Variants in MYO3B observed in about 807,000 individuals in gnomAD.
The protein encoded by MYO3B is myosin-IIIb.
A neutral mutation model predicts 174.6 loss-of-function variants in MYO3B; 156 were observed. The observed-to-expected ratio is 0.89, with a 90% CI of 0.78 to 1.02. MYO3B has a LOEUF of 1.02. Among genes scored for constraint, MYO3B ranks in the 50% least tolerant of loss-of-function variants. The probability of loss-of-function intolerance (pLI) is 0.00; values close to 1 mark genes in which losing one functional copy is unlikely to be tolerated. For synonymous variants in MYO3B, 563 were observed against 569.1 expected (o/e 0.99, Z 0.15); for missense variants, 1,632 against 1,639.4 (o/e 1.00, Z 0.08).
At chr2:170,566,794 G>A (rs550849006) in intron 32 of MYO3B, among the ~76,000 whole-genome samples, 7 of 152,222 alleles carry the variant, frequency 4.6e-5, no homozygotes, top group Admixed American at 1.3e-4. Flanking sequence ...GAGTTCAAAC[G>A]GTTCTGATTA....
Position 170,404,392 on chromosome 2 carries a change from C to T in MYO3B, c.2423C>T (p.Thr808Ile), listed in dbSNP as rs894834652. The T allele has an allele frequency of 1.2e-6, 2 of 1,608,650 alleles. No individual in the cohort carries two copies. The highest frequency in any genetic ancestry group is 1.7e-6 in the Non-Finnish European group (2 of 1,178,342). ...ESRFPQATDQ[T>I]LVDKFEDNLR... ...CGGTTTCCCCAAGCAACTGACCAGACCCTGGTTGGTAGGTAACTTCTGAGA... is the reference window on the plus strand; with the variant it reads ...CGGTTTCCCCAAGCAACTGACCAGATCCTGGTTGGTAGGTAACTTCTGAGA... The change falls in exon 20 of 35, where the codon ACC (threonine) becomes ATC (isoleucine). Residue 808 changes from threonine to isoleucine, a missense_variant. Transcript: ENST00000408978.
intron 7 of MYO3B, among the ~76,000 whole-genome samples, chr2:170,299,985 G>A (rs905963759): frequency 2.6e-5 from 4 of 152,224 alleles, no homozygotes; most frequent in Non-Finnish European, 4.4e-5. Context: ...ATTCTCGATG[G>A]TGTGCCACTT....
At chr2:170,298,695 A>AG (rs1271310410) in intron 7 of MYO3B, among the ~76,000 whole-genome samples, 5 of 151,568 alleles carry the variant, frequency 3.3e-5, no homozygotes, top group African/African-American at 1.2e-4. Flanking sequence ...AAAAAAAAAA[A>AG]AAGAATTTCA....
At chr2:170,510,226 A>G (rs1424358297) in intron 28 of MYO3B, among the ~76,000 whole-genome samples, 1 of 152,200 alleles carries the variant, frequency 6.6e-6, no homozygotes, top group African/African-American at 2.4e-5. Flanking sequence ...CTTTCCTCTG[A>G]TGGATTAGAA....
At chr2:170,232,292 G>A (rs1404578880) in intron 6 of MYO3B, among the ~76,000 whole-genome samples, 2 of 152,166 alleles carry the variant, frequency 1.3e-5, no homozygotes, top group Admixed American at 1.3e-4. Context: ...TCAGACTTTG[G>A]TATTGGATTG....
intron 32 of MYO3B, among the ~76,000 whole-genome samples, chr2:170,547,262 G>A (rs113341625): frequency 0.15 from 23,217 of 151,348 alleles, 2,066 homozygotes; most frequent in Middle Eastern, 0.23. Context: ...CCTGGGAGGC[G>A]GAGCTTGCAG....
intron 23 of MYO3B, among the ~76,000 whole-genome samples, chr2:170,460,043 G>A (rs1262981074): frequency 2.0e-5 from 3 of 152,014 alleles, no homozygotes; most frequent in African/African-American, 4.8e-5. Flanking sequence ...AGCCAGCTCC[G>A]CCCTCGGCCA....
intron 22 of MYO3B, among the ~76,000 whole-genome samples, chr2:170,434,130 T>A (rs537958310): frequency 6.6e-6 from 1 of 152,206 alleles, no homozygotes; most frequent in East Asian, 1.9e-4. Context: ...ATCCTTCTTA[T>A]AAATTTAGGA....
At chr2:170,516,060 C>T (rs1688286567) in intron 29 of MYO3B, among the ~76,000 whole-genome samples, 1 of 152,046 alleles carries the variant, frequency 6.6e-6, no homozygotes, top group Admixed American at 6.5e-5. Context: ...ATAGGAGATC[C>T]TCCAGTATAG....
At chr2:170,646,108 C>T (rs1433976591) in intron 32 of MYO3B, among the ~76,000 whole-genome samples, 1 of 151,836 alleles carries the variant, frequency 6.6e-6, no homozygotes, top group Non-Finnish European at 1.5e-5. Flanking sequence ...CCCATCTCTA[C>T]TAAAAATACA....
chr2:170,243,880 T>G (rs138559942), intron 7 of MYO3B, among the ~76,000 whole-genome samples: 22 of 152,334 alleles, frequency 1.4e-4, no homozygotes, highest in Middle Eastern at 3.4e-3. Flanking sequence ...TGCATCTATG[T>G]GAAGGACTCT....
intron 7 of MYO3B, among the ~76,000 whole-genome samples, chr2:170,289,255 T>C (rs1201755911): frequency 6.6e-6 from 1 of 152,078 alleles, no homozygotes; most frequent in Non-Finnish European, 1.5e-5. Flanking sequence ...TTGTCTTCAA[T>C]TTTTTTGAAG....
chr2:170,416,348 C>A (rs914229010), intron 22 of MYO3B, among the ~76,000 whole-genome samples: 4 of 151,932 alleles, frequency 2.6e-5, no homozygotes, highest in Admixed American at 1.3e-4. Flanking sequence ...CATGGTGAAA[C>A]CCCGTCTCTA....
intron 11 of MYO3B, among the ~76,000 whole-genome samples, chr2:170,383,495 T>TA (rs1348503936): frequency 5.3e-5 from 8 of 152,144 alleles, no homozygotes; most frequent in Non-Finnish European, 1.5e-5. Flanking sequence ...CAGGGAGACT[T>TA]AGCATAGAGT....
chr2:170,311,355 G>C (rs914170899), intron 7 of MYO3B, among the ~76,000 whole-genome samples: 7 of 151,998 alleles, frequency 4.6e-5, no homozygotes, highest in South Asian at 2.1e-4. Flanking sequence ...GCATTTCTCT[G>C]ATGACTAATG....
intron 25 of MYO3B, among the ~76,000 whole-genome samples, chr2:170,495,580 T>TA (rs113951822): frequency 0.12 from 17,935 of 147,300 alleles, 2,196 homozygotes; most frequent in African/African-American, 0.3. Context: ...TAACAGTTGC[T>TA]AAAAAAAAAA....
At chr2:170,637,087 T>G (rs1697560923) in intron 32 of MYO3B, among the ~76,000 whole-genome samples, 1 of 152,032 alleles carries the variant, frequency 6.6e-6, no homozygotes, top group South Asian at 2.1e-4. Flanking sequence ...CCATTTACTT[T>G]TTGGTTAAGC....
chr2:170,517,035 C>T (rs910220422), intron 29 of MYO3B, among the ~76,000 whole-genome samples: 7 of 152,294 alleles, frequency 4.6e-5, no homozygotes, highest in Admixed American at 3.9e-4. Flanking sequence ...GTGATTCCAA[C>T]TGTCACCAGC....
intron 32 of MYO3B, among the ~76,000 whole-genome samples, chr2:170,545,706 A>G (rs193205050): frequency 6.6e-6 from 1 of 152,308 alleles, no homozygotes; most frequent in African/African-American, 2.4e-5. Flanking sequence ...AATGGCTCAT[A>G]TGCACTTTCT....
Sources: allele counts gnomAD v4.1 joint callset (sites outside exome capture counted in the v4.1 genomes callset), GRCh38; gene constraint gnomAD v4.1.1; transcripts MANE v1.5; gene names NCBI Gene and HGNC (gene_info 2026-07-23, HGNC 2026-07-21).